NAE1: variants seen among roughly 807,000 people sequenced by gnomAD.
NAE1 encodes NEDD8 activating enzyme E1 subunit 1.
In NAE1, 59 loss-of-function variants were observed where a neutral mutation model predicts 88.0. The ratio of observed to expected loss-of-function variants is 0.67; its 90% CI spans 0.54 to 0.83. The LOEUF is 0.83. Ranked by LOEUF, NAE1 falls within the 40% of genes least tolerant of loss-of-function variation. NAE1 has a pLI of 0.00. For synonymous variants in NAE1, 186 were observed against 208.9 expected (o/e 0.89, Z 0.95); for missense variants, 554 against 632.8 (o/e 0.88, Z 1.34).
intron 9 of NAE1, 96 bp downstream of exon 9, chr16:66,817,329 G>GA (rs779985761): frequency 1.4e-5 from 15 of 1,071,356 alleles, no homozygotes; most frequent in African/African-American, 3.1e-5. Context: ...ACTCCATAAG[G>GA]AAAAAAAATT....
intron 13 of NAE1, chr16:66,813,345 T>G (rs1959897151): frequency 4.0e-6 from 2 of 498,114 alleles, no homozygotes; most frequent in Non-Finnish European, 7.0e-6. Context: ...CTCACTATGT[T>G]GCCCACGATG....
intron 11 of NAE1, 37 bp from the exon 12 acceptor site, chr16:66,813,883 T>G (rs1335907273): frequency 6.4e-7 from 1 of 1,568,272 alleles, no homozygotes; most frequent in Non-Finnish European, 8.7e-7. Context: ...TTACACAGTA[T>G]TAAGAATTCG....
chr16:66,811,244 A>G (rs562094979), intron 13 of NAE1, among the ~76,000 whole-genome samples: 1 of 152,184 alleles, frequency 6.6e-6, no homozygotes, highest in East Asian at 1.9e-4. Flanking sequence ...TGCAGCCTCA[A>G]CTTCCCACGC....
At chr16:66,827,626 C>T (rs959138812) in intron 1 of NAE1, 1 of 204,218 alleles carries the variant, frequency 4.9e-6, no homozygotes, top group African/African-American at 2.3e-5. Context: ...TTTAAGATCT[C>T]GACATAGGGC....
chr16:66,809,065 A>T lies in NAE1; in HGVS notation c.1161T>A (p.Ser387=). 6.8e-6 allele frequency: 11 copies of T among 1,611,518 alleles called. No individual in the cohort carries two copies. Among genetic ancestry groups the T allele is most frequent in the Non-Finnish European group, 9.3e-6 (11 of 1,178,348 alleles). Residue 387 remains serine (S), a synonymous_variant, in exon 16 of 20, where the codon TCT becomes TCA. Coordinates refer to ENST00000290810, the MANE Select transcript of NAE1 (RefSeq NM_003905.4). ...EKELKLLCSN[S]AFLRVVRCRS... ...GACATCTTACCACTCGAAGAAATGC[A>T]GAATTGCTGCCTGAACAGAGGAAAG...
At chr16:66,811,086 A>G (rs1959779908) in intron 13 of NAE1, among the ~76,000 whole-genome samples, 1 of 152,216 alleles carries the variant, frequency 6.6e-6, no homozygotes, top group African/African-American at 2.4e-5. Context: ...ACATTACTGA[A>G]GAACATGACT....
chr16:66,804,811 AT>A (rs34906669), intron 19 of NAE1, among the ~76,000 whole-genome samples: 3 of 150,354 alleles, frequency 2.0e-5, no homozygotes, highest in East Asian at 2.0e-4. Flanking sequence ...TTCTCTTGCC[AT>A]TTTTTTTTTC....
chr16:66,810,396 T>G lies in NAE1; in HGVS notation c.1128A>C (p.Ser376=). Residue 376 remains serine (S), a synonymous_variant, in exon 15 of 20, where the codon TCA becomes TCC. Coordinates refer to ENST00000290810, the MANE Select transcript of NAE1 (RefSeq NM_003905.4). ...QSIGQAPESI[S]EKELKLLCSN... ...TACAGAGTAATTTTAATTCTTTCTC[T>G]GAAATGGACTCTGGTGCCTGTAAAG... The G allele has an allele frequency of 2.5e-6, 4 of 1,600,562 alleles. No homozygotes were observed. The highest frequency in any genetic ancestry group is 3.4e-6 in the Non-Finnish European group (4 of 1,170,188).
At chr16:66,805,888 C>T in intron 18 of NAE1, 24 bp downstream of exon 18, 1 of 1,605,064 alleles carries the variant, frequency 6.2e-7, no homozygotes, top group East Asian at 2.2e-5. Flanking sequence ...GAATCATCTC[C>T]TAGATACCCT....
intron 8 of NAE1, among the ~76,000 whole-genome samples, chr16:66,817,873 T>A (rs916359486): frequency 2.4e-4 from 37 of 152,326 alleles, no homozygotes; most frequent in African/African-American, 8.9e-4. Context: ...CGCCTTATAG[T>A]GTTATGTCAT....
chr16:66,816,415 T>C (rs898356021), intron 11 of NAE1, among the ~76,000 whole-genome samples, 166 bp downstream of exon 11: 1 of 152,222 alleles, frequency 6.6e-6, no homozygotes, highest in African/African-American at 2.4e-5. Context: ...TCCACCCGCC[T>C]CAGCCTCCCA....
chr16:66,808,571 A>C lies in NAE1; in HGVS notation c.1280T>G (p.Leu427Ter). ...DNPDNEIVLY[L>*]MLRAVDRFHK... is the part of the protein sequence containing the mutation. ...AAATCTATCAACAGCCCGTAACATT[A>C]AGTACAACACTATTTCATTATCTGG... is the stretch of plus-strand genomic sequence containing the variant. Residue 427 changes from leucine to a stop codon, truncating the protein, a stop_gained, in exon 17 of 20, where the codon TTA (leucine) becomes TGA (stop). Coordinates refer to ENST00000290810, the MANE Select transcript of NAE1 (RefSeq NM_003905.4). LOFTEE classifies it high-confidence loss of function. 2 of 1,609,044 alleles carry C rather than the reference A, an allele frequency of 1.2e-6. No homozygotes were observed. Among genetic ancestry groups the C allele is most frequent in the Non-Finnish European group, 1.7e-6 (2 of 1,177,240 alleles).
chr16:66,823,076 CAAAAAAAAAAAA>C (rs776599321), intron 6 of NAE1, 139 bp downstream of exon 6: 16 of 151,772 alleles, frequency 1.1e-4, no homozygotes, highest in African/African-American at 4.7e-5. Flanking sequence ...AGCTCAAGCT[CAAAAAAAAAAAA>C]AAAAAAAAAG....
intron 11 of NAE1, among the ~76,000 whole-genome samples, chr16:66,815,724 A>G (rs1960014681): frequency 6.7e-6 from 1 of 149,302 alleles, no homozygotes; most frequent in Non-Finnish European, 1.5e-5. Context: ...TACACTGATG[A>G]GATCTCAGCT....
At chr16:66,809,513 C>T (rs1480005702) in intron 15 of NAE1, among the ~76,000 whole-genome samples, 1 of 151,982 alleles carries the variant, frequency 6.6e-6, no homozygotes, top group African/African-American at 2.4e-5. Flanking sequence ...TATGTAATGA[C>T]TTTAAGCTTT....
chr16:66,829,844 C>T (rs781116750), intron 1 of NAE1, among the ~76,000 whole-genome samples: 1 of 152,222 alleles, frequency 6.6e-6, no homozygotes, highest in African/African-American at 2.4e-5. Flanking sequence ...CTAGTGTTAA[C>T]TGAGATGTGC....
chr16:66,810,673 G>A (rs1363008178), intron 14 of NAE1, 24 bp downstream of exon 14: 2 of 1,607,120 alleles, frequency 1.2e-6, no homozygotes, highest in South Asian at 1.1e-5. Flanking sequence ...GGCCTGTATG[G>A]GCACAGTGTG....
At chr16:66,829,826 C>T (rs1445881788) in intron 1 of NAE1, among the ~76,000 whole-genome samples, 1 of 152,220 alleles carries the variant, frequency 6.6e-6, no homozygotes, top group Non-Finnish European at 1.5e-5. Flanking sequence ...TGAGCACAAG[C>T]AATGAGGCTA....
At chr16:66,818,814 T>C (rs1960150503) in intron 7 of NAE1, among the ~76,000 whole-genome samples, 177 bp from the exon 8 acceptor site, 1 of 151,968 alleles carries the variant, frequency 6.6e-6, no homozygotes, top group African/African-American at 2.4e-5. Flanking sequence ...GGGACTACAG[T>C]CTCGTGTCAC....
Sources: allele counts gnomAD v4.1 joint callset (sites outside exome capture counted in the v4.1 genomes callset), GRCh38; gene constraint gnomAD v4.1.1; transcripts MANE v1.5; gene names NCBI Gene and HGNC (gene_info 2026-07-23, HGNC 2026-07-21).